Variants in NCK1 observed in about 807,000 individuals in gnomAD.
NCK1 encodes the protein SH2/SH3 adapter protein NCK1.
NCK1 carries 19 observed loss-of-function variants against 36.6 expected under a neutral mutation model. The ratio of observed to expected loss-of-function variants is 0.52; its 90% confidence interval spans 0.36 to 0.76. The LOEUF is 0.76. Among genes scored for constraint, NCK1 ranks in the 30% least tolerant of loss-of-function variants. The pLI is 0.00. For synonymous variants in NCK1, 165 were observed against 156.0 expected, an observed-to-expected ratio of 1.06 and a Z score of -0.43; for missense variants, 358 against 445.6, an observed-to-expected ratio of 0.80 and a Z score of 1.77.
At chr3:136,948,151 T>A in intron 3 of NCK1, 108 bp from the exon 4 acceptor site, 1 of 734,064 alleles carries the variant, frequency 1.4e-6, no homozygotes, top group South Asian at 3.0e-5. Flanking sequence ...TTTACCATGG[T>A]GCCTAGGACT....
At chr3:136,888,652 C>G (rs1003468730) in intron 1 of NCK1, among the ~76,000 whole-genome samples, 1 of 151,986 alleles carries the variant, frequency 6.6e-6, no homozygotes, top group African/African-American at 2.4e-5. Context: ...GCCACCGCAC[C>G]CAGCCATATT....
At chr3:136,908,639 T>C (rs953861018) in intron 1 of NCK1, among the ~76,000 whole-genome samples, 1 of 152,222 alleles carries the variant, frequency 6.6e-6, no homozygotes, top group African/African-American at 2.4e-5. Context: ...TGCGACTGAT[T>C]ACTGCCAATG....
chr3:136,869,602 T>TTA (rs1938548609), intron 1 of NCK1, among the ~76,000 whole-genome samples: 1 of 152,156 alleles, frequency 6.6e-6, no homozygotes, highest in African/African-American at 2.4e-5. Context: ...TAGAGTGCTT[T>TTA]TATATGTTTG....
chr3:136,945,959 C>A lies in NCK1; in HGVS notation c.603C>A (p.Phe201Leu). Residue 201 changes from phenylalanine (F) to leucine (L), a missense_variant, in exon 3 of 4, where the codon TTC becomes TTA. Phe to Leu is a conservative substitution (Grantham distance 22). This residue lies in a region of NCK1 where 207 missense variants were observed against 253.4 expected (regional missense o/e 0.82). Coordinates refer to ENST00000481752, the MANE Select transcript of NCK1 (RefSeq NM_001291999.2). ...ATGTGGTACAGGCTCTTTACCCATT[C>A]AGCTCATCTAATGATGAAGAACTTA... is the stretch of plus-strand genomic sequence containing the variant. Reference protein sequence around the residue: ...VLHVVQALYPFSSSNDEELNF... With the variant: ...VLHVVQALYPLSSSNDEELNF... 6.2e-7 allele frequency: 1 copy of A among 1,613,992 alleles called. No homozygotes were observed. The highest frequency in any genetic ancestry group is 1.1e-5 in the South Asian group (1 of 91,070).
At chr3:136,865,608 G>T (rs1048454974) in intron 1 of NCK1, among the ~76,000 whole-genome samples, 2 of 152,002 alleles carry the variant, frequency 1.3e-5, no homozygotes, top group African/African-American at 4.8e-5. Flanking sequence ...TTATAATATA[G>T]AAAAATACCA....
At chr3:136,900,479 T>G (rs1939513902) in intron 1 of NCK1, among the ~76,000 whole-genome samples, 1 of 152,214 alleles carries the variant, frequency 6.6e-6, no homozygotes, top group African/African-American at 2.4e-5. Flanking sequence ...ATTGGTATTT[T>G]GATAGCCATT....
chr3:136,875,210 T>C (rs1399205732), intron 1 of NCK1, among the ~76,000 whole-genome samples: 1 of 152,192 alleles, frequency 6.6e-6, no homozygotes, highest in Non-Finnish European at 1.5e-5. Context: ...ATGCTTGTGA[T>C]TTTTGCCCAT....
intron 1 of NCK1, among the ~76,000 whole-genome samples, chr3:136,881,111 G>A (rs1260132409): frequency 6.6e-6 from 1 of 151,982 alleles, no homozygotes; most frequent in African/African-American, 2.4e-5. Flanking sequence ...AGCAAATCCT[G>A]TCTTTTCTAC....
At chr3:136,941,368 G>A (rs773203822) in intron 2 of NCK1, among the ~76,000 whole-genome samples, 4 of 151,996 alleles carry the variant, frequency 2.6e-5, no homozygotes, top group Admixed American at 6.6e-5. Flanking sequence ...GACCTCAAGT[G>A]ATCCGCCCAC....
At chr3:136,919,893 T>G (rs999267775) in intron 1 of NCK1, among the ~76,000 whole-genome samples, 1 of 152,140 alleles carries the variant, frequency 6.6e-6, no homozygotes, top group Non-Finnish European at 1.5e-5. Flanking sequence ...CTGTTGTACT[T>G]TAACACATAA....
intron 2 of NCK1, among the ~76,000 whole-genome samples, chr3:136,940,194 G>A (rs1057173898): frequency 6.6e-6 from 1 of 151,976 alleles, no homozygotes; most frequent in Non-Finnish European, 1.5e-5. Flanking sequence ...CTAATATATG[G>A]TCTATCTTGC....
At chr3:136,893,466 A>T (rs1226217475) in intron 1 of NCK1, among the ~76,000 whole-genome samples, 1 of 152,018 alleles carries the variant, frequency 6.6e-6, no homozygotes, top group African/African-American at 2.4e-5. Context: ...TTGTCTATTC[A>T]CGTCCTTAGG....
At chr3:136,916,144 A>G (rs1395721767) in intron 1 of NCK1, among the ~76,000 whole-genome samples, 1 of 152,142 alleles carries the variant, frequency 6.6e-6, no homozygotes, top group Non-Finnish European at 1.5e-5. Flanking sequence ...AGTCACCTCC[A>G]GTCACCTGGA....
intron 1 of NCK1, among the ~76,000 whole-genome samples, chr3:136,901,995 T>G (rs903499731): frequency 1.3e-5 from 2 of 152,132 alleles, no homozygotes; most frequent in Non-Finnish European, 2.9e-5. Context: ...TTTGTTGATA[T>G]AAATTTCCCT....
chr3:136,918,738 A>G (rs1449224347), intron 1 of NCK1, among the ~76,000 whole-genome samples: 1 of 152,226 alleles, frequency 6.6e-6, no homozygotes, highest in East Asian at 1.9e-4. Context: ...GTGGCCCAAG[A>G]CAATTCTTCC....
At chr3:136,935,138 TG>T (rs1353083768) in intron 2 of NCK1, among the ~76,000 whole-genome samples, 1 of 152,190 alleles carries the variant, frequency 6.6e-6, no homozygotes, top group Non-Finnish European at 1.5e-5. Context: ...TGGCCTCAGG[TG>T]ATCTGCCTGC....
chr3:136,944,157 T>G (rs1486528009), intron 2 of NCK1, among the ~76,000 whole-genome samples: 1 of 138,992 alleles, frequency 7.2e-6, no homozygotes, highest in Admixed American at 7.8e-5. Context: ...TCTTGCCCTG[T>G]CGCCAGGCTG....
At chr3:136,890,322 C>A (rs1034302863) in intron 1 of NCK1, among the ~76,000 whole-genome samples, 11 of 152,174 alleles carry the variant, frequency 7.2e-5, no homozygotes, top group African/African-American at 2.7e-4. Context: ...CCACGCCCAC[C>A]CGGAACTCCA....
chr3:136,928,177 A>G lies in NCK1; in HGVS notation c.176A>G (p.Lys59Arg). The G allele has an allele frequency of 6.2e-7, 1 of 1,614,232 alleles. No individual in the cohort carries two copies. The highest frequency in any genetic ancestry group is 2.2e-5 in the East Asian group (1 of 44,872). ...GTGCCTTCTAACTATGTGGAAAGGA[A>G]AAACAGTGCTCGGAAAGCATCTATT... ...GFVPSNYVER[K>R]NSARKASIVK... The change falls in exon 2 of 4, where the codon AAA becomes AGA. Residue 59 changes from lysine (K) to arginine (R), a missense_variant. Physicochemically the swap from Lys to Arg is conservative, Grantham distance 26. Coordinates refer to ENST00000481752, the MANE Select transcript of NCK1 (RefSeq NM_001291999.2).
Sources: gnomAD v4.1 joint callset for allele counts (sites outside exome capture counted in the v4.1 genomes callset) on GRCh38, gnomAD v4.1.1 for gene constraint, gnomAD v4.1.1 regional missense constraint, MANE v1.5 for transcripts, NCBI Gene and HGNC (gene_info 2026-07-23, HGNC 2026-07-21) for gene names.